MOG: variants seen among roughly 807,000 people sequenced by gnomAD.
The protein encoded by MOG is myelin-oligodendrocyte glycoprotein.
MOG carries 20 observed loss-of-function variants against 35.9 expected under a neutral mutation model. That is an observed-to-expected ratio of 0.56 (90% CI 0.39 to 0.81). The LOEUF is 0.81. MOG is among the 30% of genes least tolerant of loss of function. The pLI, the probability that MOG is intolerant of heterozygous loss-of-function variation, is 0.00. For missense variants in MOG, 251 were observed against 301.0 expected, an observed-to-expected ratio of 0.83 and a Z score of 1.23; for synonymous variants, 92 against 114.3, an observed-to-expected ratio of 0.80 and a Z score of 1.25.
chr6:29,667,739 AC>A, intron 4 of MOG, 76 bp downstream of exon 4: 2 of 1,583,906 alleles, frequency 1.3e-6, no homozygotes, highest in South Asian at 2.2e-5. Context: ...CCGTTCTTGG[AC>A]CGTCTCTCCC....
At chr6:29,665,927 C>T (rs536186234) in intron 2 of MOG, among the ~76,000 whole-genome samples, 11 of 152,280 alleles carry the variant, frequency 7.2e-5, no homozygotes, top group African/African-American at 2.6e-4. Context: ...ACCCAATACA[C>T]AATCTTGACT....
intron 2 of MOG, chr6:29,661,333 G>T: frequency 1.0e-6 from 1 of 975,172 alleles, no homozygotes; most frequent in Non-Finnish European, 1.2e-6. Flanking sequence ...GAGACTGCCT[G>T]CAGGGATATG....
Position 29,657,204 on chromosome 6 carries a change from G to C in MOG, c.-6G>C. 6.2e-7 allele frequency: 1 copy of C among 1,605,366 alleles called. No homozygotes were observed. Among genetic ancestry groups the C allele is most frequent in the Non-Finnish European group, 8.5e-7 (1 of 1,173,378 alleles). Reference sequence around the variant, plus strand: ...CGGGGGCTCTCTGTCCCCAGGAACAGTAGAGATGGCAAGCTTATCAAGACC... The same window carrying C: ...CGGGGGCTCTCTGTCCCCAGGAACACTAGAGATGGCAAGCTTATCAAGACC... On this transcript the variant is annotated 5_prime_UTR_variant, in exon 1 of 8. Coordinates refer to ENST00000376917, the MANE Select transcript of MOG (RefSeq NM_206809.4).
At chr6:29,663,495 T>TC (rs1236613515) in intron 2 of MOG, among the ~76,000 whole-genome samples, 2 of 152,190 alleles carry the variant, frequency 1.3e-5, no homozygotes. Flanking sequence ...CCTTAGGGTT[T>TC]CCCAGGGTCT....
At chr6:29,667,369 CAAGAA>C (rs1770439874) in intron 3 of MOG, among the ~76,000 whole-genome samples, 1 of 152,154 alleles carries the variant, frequency 6.6e-6, no homozygotes, top group Admixed American at 6.5e-5. Context: ...ACTGAGAATC[CAAGAA>C]AAGGGGCGAA....
At position 29,670,793 on chromosome 6, in the gene MOG, A is replaced by G. The variant is rs571033053; in HGVS notation, c.730+72A>G. On this transcript the variant is annotated intron_variant, in intron 7 of 7. Coordinates refer to ENST00000376917, the MANE Select transcript of MOG (RefSeq NM_206809.4). The surrounding 1 kb of genome is among the most constrained non-coding windows in gnomAD (Gnocchi z 4.2). Reference sequence around the variant, plus strand: ...AAGGGAGACAGAAGCAACAAGAGGAAGAGGCGGGCTATTGAGGGATCACAT... The same window carrying G: ...AAGGGAGACAGAAGCAACAAGAGGAGGAGGCGGGCTATTGAGGGATCACAT... 8 of 1,597,550 alleles carry G rather than the reference A, an allele frequency of 5.0e-6. No homozygotes were observed. The East Asian group carries it at 1.8e-4, about 36-fold the overall frequency.
At chr6:29,667,700 T>G in intron 4 of MOG, 37 bp downstream of exon 4, 2 of 1,613,356 alleles carry the variant, frequency 1.2e-6, no homozygotes, top group Non-Finnish European at 1.7e-6. Context: ...ATTCTTGCCT[T>G]TTGGTTTTTT....
chr6:29,665,032 A>G (rs1769879544), intron 2 of MOG, among the ~76,000 whole-genome samples: 1 of 152,224 alleles, frequency 6.6e-6, no homozygotes, highest in South Asian at 2.1e-4. Context: ...AGTAATGAAC[A>G]TAAGTGATAG....
chr6:29,670,498 G>C lies in MOG; in HGVS notation c.709+101G>C. 6.7e-7 allele frequency: 1 copy of C among 1,496,412 alleles called. No homozygotes were observed. Among genetic ancestry groups the C allele is most frequent in the Non-Finnish European group, 9.3e-7 (1 of 1,076,950 alleles). 92.7% of individuals were successfully genotyped at this position (1,496,412 alleles called of 1,614,324 possible). The stretch of plus-strand genomic sequence containing the variant: ...GAATAGAACCAGGACTCAAGATTAG[G>C]GGAGCTGGGATTTCCTTATTCCTCT... On this transcript the variant is annotated intron_variant, in intron 6 of 7. Coordinates refer to ENST00000376917, the MANE Select transcript of MOG (RefSeq NM_206809.4). This position sits in a 1 kb window ranked among gnomAD's most constrained non-coding sequence, Gnocchi z 4.2.
intron 5 of MOG, among the ~76,000 whole-genome samples, chr6:29,669,723 T>C (rs1771040576): frequency 6.6e-6 from 1 of 152,226 alleles, no homozygotes; most frequent in Non-Finnish European, 1.5e-5. Context: ...ATATTGTGGT[T>C]AGTTGTAAAA....
intron 4 of MOG, 114 bp from the exon 5 acceptor site, chr6:29,667,790 C>T: frequency 1.3e-6 from 2 of 1,526,666 alleles, no homozygotes; most frequent in Non-Finnish European, 1.8e-6. Context: ...CCTTTCTCTA[C>T]AGTGGGTGTG....
rs1428077207 is a variant in MOG at position 29,659,323 on chromosome 6, G to A, written c.93G>A (p.Gln31=). 1 of 1,612,994 alleles carries A rather than the reference G, an allele frequency of 6.2e-7. No individual in the cohort carries two copies. The highest frequency in any genetic ancestry group is 8.5e-7 in the Non-Finnish European group (1 of 1,180,028). The part of the protein sequence containing the change: ...LLQVSSSYAG[Q]FRVIGPRHPI... ...TCCTTTTGGTGTCTTGGACAGGGCA[G>A]TTCAGAGTGATAGGACCAAGACACC... Residue 31 remains glutamine, a synonymous_variant, in exon 2 of 8, where the codon CAG becomes CAA. Transcript: ENST00000376917.
At chr6:29,664,806 A>G (rs1769828393) in intron 2 of MOG, 1 of 329,304 alleles carries the variant, frequency 3.0e-6, no homozygotes, top group African/African-American at 2.3e-5. Context: ...AGGGTCTCAC[A>G]TTATGTTGCC....
At chr6:29,661,510 C>T in intron 2 of MOG, 1 of 985,278 alleles carries the variant, frequency 1.0e-6, no homozygotes, top group South Asian at 4.7e-5. Context: ...CAAACTCCCT[C>T]AGTTTCACCA....
At chr6:29,660,562 G>GCGCACA (rs1339280106) in intron 2 of MOG, among the ~76,000 whole-genome samples, 10 of 129,174 alleles carry the variant, frequency 7.7e-5, no homozygotes, top group African/African-American at 2.7e-4. Flanking sequence ...ATTTGTGAGC[G>GCGCACA]CACACACACA....
At chr6:29,659,765 C>A in intron 2 of MOG, 99 bp downstream of exon 2, 1 of 952,734 alleles carries the variant, frequency 1.0e-6, no homozygotes, top group Non-Finnish European at 1.7e-6. Flanking sequence ...ACATCTCAGT[C>A]CTGGGAATGA....
At chr6:29,661,368 T>G in intron 2 of MOG, 1 of 985,348 alleles carries the variant, frequency 1.0e-6, no homozygotes. Flanking sequence ...TGTCTCAGAA[T>G]GTTCTTCATA....
chr6:29,658,804 C>T (rs1166614565), intron 1 of MOG, among the ~76,000 whole-genome samples: 1 of 152,002 alleles, frequency 6.6e-6, no homozygotes, highest in African/African-American at 2.4e-5. Flanking sequence ...TCTTTTTTGT[C>T]GTTGTTGTTC....
In MOG at chr6:29,670,683, G is replaced by C; in HGVS notation, c.710-18G>C. 6.2e-7 allele frequency: 1 copy of C among 1,612,108 alleles called. No individual in the cohort carries two copies. The highest frequency in any genetic ancestry group is 1.1e-5 in the South Asian group (1 of 90,874). ...TTCATCTTCCACTAATCACATATTT[G>C]TTTCTTTTTGTTTTCAGGGCAATTC... On this transcript the variant is annotated intron_variant, in intron 6 of 7. Transcript: ENST00000376917. This position sits in a 1 kb window ranked among gnomAD's most constrained non-coding sequence, Gnocchi z 4.2.
Sources: allele counts gnomAD v4.1 joint callset (sites outside exome capture counted in the v4.1 genomes callset), GRCh38; gene constraint gnomAD v4.1.1; non-coding constraint Gnocchi (gnomAD v3.1); transcripts MANE v1.5; gene names NCBI Gene and HGNC (gene_info 2026-07-23, HGNC 2026-07-21).